CELA3A: variants seen among roughly 807,000 people sequenced by gnomAD.
The protein encoded by CELA3A is chymotrypsin like elastase 3A.
In CELA3A, 35 loss-of-function variants were observed where a neutral mutation model predicts 38.6. That is an observed-to-expected ratio of 0.91 (90% CI 0.69 to 1.20). The LOEUF (loss-of-function observed/expected upper bound fraction) is 1.20, where lower values mean the gene tolerates loss of function less well. CELA3A is among the 50% of genes most tolerant of loss of function. The pLI is 0.00. For synonymous variants in CELA3A, 143 were observed against 136.7 expected (o/e 1.05, Z -0.32); for missense variants, 343 against 354.2 (o/e 0.97, Z 0.25).
chr1:22,003,847 G>A (rs200925105), intron 2 of CELA3A, among the ~76,000 whole-genome samples: 16 of 150,150 alleles, frequency 1.1e-4, no homozygotes, highest in Admixed American at 2.0e-4. Context: ...TGGGATTACA[G>A]GCACGCGCCA....
intron 4 of CELA3A, 82 bp from the exon 5 acceptor site, chr1:22,006,796 G>A (rs1357648918): frequency 1.3e-6 from 2 of 1,550,362 alleles, no homozygotes; most frequent in South Asian, 1.2e-5. Flanking sequence ...TCTCAGAGGT[G>A]GAATAGCCTG....
chr1:22,007,384 C>G lies in CELA3A; in HGVS notation c.511C>G (p.Leu171Val). 1 of 1,611,394 alleles carries G rather than the reference C, an allele frequency of 6.2e-7. No homozygotes were observed. Among genetic ancestry groups the G allele is most frequent in the Non-Finnish European group, 8.5e-7 (1 of 1,178,844 alleles). ...TTTTATCCTTGCAGCCAATGGGCCA[C>G]TCCCAGACAAGCTGCAGCAGGCCCG... ...GWGRLYTNGP[L>V]PDKLQQARLP... The change falls in exon 6 of 8, where the codon CTC (leucine) becomes GTC (valine). Residue 171 changes from leucine to valine, a missense_variant. Physicochemically the swap from Leu to Val is conservative, Grantham distance 32. Transcript: ENST00000290122.
At chr1:22,002,447 C>T (rs1374333583) in intron 1 of CELA3A, 2 of 440,336 alleles carry the variant, frequency 4.5e-6, no homozygotes, top group Non-Finnish European at 4.5e-6. Flanking sequence ...ATCCTACCAC[C>T]TTAGCCTCCT....
At chr1:22,004,667 G>A (rs1481281200) in intron 2 of CELA3A, among the ~76,000 whole-genome samples, 1 of 151,910 alleles carries the variant, frequency 6.6e-6, no homozygotes, top group African/African-American at 2.4e-5. Flanking sequence ...GTGCCCCACT[G>A]TCCACAGTTT....
chr1:22,004,910 G>A (rs1194943242), intron 2 of CELA3A, among the ~76,000 whole-genome samples: 5 of 151,184 alleles, frequency 3.3e-5, no homozygotes, highest in African/African-American at 9.8e-5. Flanking sequence ...GACCAGCCTG[G>A]CCAACATGGT....
intron 4 of CELA3A, chr1:22,006,066 C>A: frequency 2.1e-6 from 1 of 467,678 alleles, no homozygotes; most frequent in Non-Finnish European, 3.8e-6. Context: ...GCCAAGGCCA[C>A]TTGGCTAGTG....
intron 7 of CELA3A, among the ~76,000 whole-genome samples, chr1:22,011,461 A>G (rs1351125881): frequency 4.7e-5 from 6 of 128,902 alleles, no homozygotes; most frequent in Non-Finnish European, 8.1e-5. Context: ...GACCCATGTT[A>G]AAAAAATATA....
chr1:22,003,282 T>G (rs1464708505), intron 2 of CELA3A, among the ~76,000 whole-genome samples, 194 bp downstream of exon 2: 2 of 151,188 alleles, frequency 1.3e-5, no homozygotes, highest in Middle Eastern at 3.4e-3. Context: ...ACTGGGCTAT[T>G]TGCAACTTAA....
intron 4 of CELA3A, among the ~76,000 whole-genome samples, chr1:22,006,623 T>C (rs878883481): frequency 1.2e-4 from 18 of 146,530 alleles, no homozygotes; most frequent in Middle Eastern, 3.4e-3. Flanking sequence ...CTTCAGGAGG[T>C]GAAAGCAGGA....
At chr1:22,003,340 A>G (rs1198449141) in intron 2 of CELA3A, among the ~76,000 whole-genome samples, 1 of 151,062 alleles carries the variant, frequency 6.6e-6, no homozygotes, top group Non-Finnish European at 1.5e-5. Flanking sequence ...GAGTTGGCAC[A>G]CTGATGGTGG....
intron 6 of CELA3A, among the ~76,000 whole-genome samples, chr1:22,008,619 T>C (rs1417681767): frequency 1.3e-5 from 2 of 149,366 alleles, no homozygotes; most frequent in Admixed American, 6.7e-5. Context: ...GTTAGCCGGG[T>C]GTGGTGGTGG....
At chr1:22,010,635 A>T (rs1644978219) in intron 7 of CELA3A, 1 of 154,022 alleles carries the variant, frequency 6.5e-6, no homozygotes, top group Admixed American at 6.3e-5. Flanking sequence ...AAAAAAAAAA[A>T]AAGAGTAATA....
At chr1:22,005,250 C>T (rs1253810968) in intron 2 of CELA3A, among the ~76,000 whole-genome samples, 197 bp from the exon 3 acceptor site, 1 of 151,726 alleles carries the variant, frequency 6.6e-6, no homozygotes, top group Non-Finnish European at 1.5e-5. Flanking sequence ...GAATGTGACC[C>T]CCATGGAAAA....
At chr1:22,011,468 T>C (rs377396783) in intron 7 of CELA3A, among the ~76,000 whole-genome samples, 1 of 116,118 alleles carries the variant, frequency 8.6e-6, no homozygotes, top group African/African-American at 3.3e-5. Flanking sequence ...GTTAAAAAAA[T>C]ATATATATAA....
intron 5 of CELA3A, 132 bp downstream of exon 5, chr1:22,007,146 T>G (rs894508239): frequency 2.2e-6 from 3 of 1,388,508 alleles, no homozygotes; most frequent in Non-Finnish European, 2.0e-6. Flanking sequence ...GCAGCCTTCT[T>G]CCATCAACCT....
chr1:22,007,127 T>C (rs114302506), intron 5 of CELA3A, 113 bp downstream of exon 5: 22,487 of 1,483,152 alleles, frequency 0.015, 377 homozygotes, highest in Non-Finnish European at 0.017. Flanking sequence ...CTCCCATTTC[T>C]CTCCAGCTGC....
chr1:22,002,628 C>T (rs559498425), intron 1 of CELA3A: 52 of 457,856 alleles, frequency 1.1e-4, no homozygotes, highest in African/African-American at 1.0e-3. Context: ...CAGGTGTGAA[C>T]CACCACACAC....
rs375601273 is a variant in CELA3A, at chr1:22,009,833, C to T, written c.771C>T (p.Ser257=). 1.3e-5 allele frequency: 21 copies of T among 1,612,484 alleles called. No individual in the cohort carries two copies. The highest frequency in any genetic ancestry group is 5.5e-5 in the South Asian group (5 of 91,024). Residue 257 remains serine (S), a synonymous_variant, in exon 7 of 8, where the codon TCC becomes TCT. Coordinates refer to ENST00000290122, the MANE Select transcript of CELA3A (RefSeq NM_005747.5). ...AGCCCACGGTGTTCACTCGAGTCTC[C>T]GCCTTCATCGACTGGATTGAGGAGG... The part of the protein sequence containing the change: ...IWKPTVFTRV[S]AFIDWIEETI...
At position 22,005,530 on chromosome 1, in the gene CELA3A, C is replaced by G. The variant is rs41266017; in HGVS notation, c.213C>G (p.Ala71=). 1.2e-6 allele frequency: 2 copies of G among 1,612,896 alleles called. No homozygotes were observed. Among genetic ancestry groups the G allele is most frequent in the South Asian group, 2.2e-5 (2 of 91,044 alleles). ...TCGCCCCCGATTGGGTTGTGACTGCCGGCCACTGCATCTCGTGAGTTCTCT... is the reference window on the plus strand; with the variant it reads ...TCGCCCCCGATTGGGTTGTGACTGCGGGCCACTGCATCTCGTGAGTTCTCT... ...SLIAPDWVVT[A]GHCISRDLTY... is the part of the protein sequence containing the mutation. The change falls in exon 3 of 8, where the codon GCC becomes GCG. Residue 71 remains alanine, a synonymous_variant. Coordinates refer to ENST00000290122, the MANE Select transcript of CELA3A (RefSeq NM_005747.5).
Sources: gnomAD v4.1 joint callset for allele counts (sites outside exome capture counted in the v4.1 genomes callset) on GRCh38, gnomAD v4.1.1 for gene constraint, MANE v1.5 for transcripts, NCBI Gene and HGNC (gene_info 2026-07-23, HGNC 2026-07-21) for gene names.